Variants in ACOT1 observed in about 807,000 individuals in gnomAD.
The protein encoded by ACOT1 is acyl-CoA thioesterase 1.
ACOT1 carries 8 observed loss-of-function variants against 15.7 expected under a neutral mutation model. The observed-to-expected ratio is 0.51, with a 90% CI of 0.30 to 0.92. The LOEUF is 0.92. ACOT1 is among the 40% of genes least tolerant of loss of function. The pLI, the probability that ACOT1 is intolerant of heterozygous loss-of-function variation, is 0.06. For synonymous variants in ACOT1, 67 were observed against 241.2 expected (o/e 0.28, Z 6.69); for missense variants, 151 against 539.4 (o/e 0.28, Z 7.13).
chr14:73,503,675 A>G, the ACOT1 span, among the ~76,000 whole-genome samples: 1 of 152,188 alleles, frequency 6.6e-6, no homozygotes, highest in South Asian at 2.1e-4. Context: ...TCCTTAGTGA[A>G]GTCTTCTTTG....
chr14:73,520,945 G>T, the ACOT1 span: 1 of 1,613,988 alleles, frequency 6.2e-7, no homozygotes. Context: ...TGGGTTTGGG[G>T]CTGGGAGAGG....
chr14:73,506,802 C>CTTTTTTTTTTTTTTTTTTTTTTT, the ACOT1 span, among the ~76,000 whole-genome samples: 4 of 58,032 alleles, frequency 6.9e-5, no homozygotes, highest in East Asian at 9.2e-4. Flanking sequence ...CTGACTTTAA[C>CTTTTTTTTTTTTTTTTTTTTTTT]TGTTTTTTTT....
chr14:73,525,976 C>A, the ACOT1 span, among the ~76,000 whole-genome samples: 1 of 150,030 alleles, frequency 6.7e-6, no homozygotes, highest in African/African-American at 2.4e-5. Context: ...AAAGCATCTT[C>A]ATAAGAAACA....
At chr14:73,527,924 G>A in the ACOT1 span, among the ~76,000 whole-genome samples, 912 of 131,666 alleles carry the variant, frequency 6.9e-3, 8 homozygotes, top group Non-Finnish European at 0.01. Flanking sequence ...GGTTGCCACC[G>A]TACTCCAGCC....
the ACOT1 span, chr14:73,499,131 A>T: frequency 1.2e-6 from 2 of 1,614,174 alleles, no homozygotes; most frequent in African/African-American, 1.3e-5. Context: ...TTCAGGAGGC[A>T]TTCAAGCACC....
chr14:73,495,398 AC>A, the ACOT1 span: 1 of 1,607,104 alleles, frequency 6.2e-7, no homozygotes, highest in Non-Finnish European at 8.5e-7. Context: ...CTAAATTAGA[AC>A]AAATAATGTT....
At chr14:73,491,627 C>T in the ACOT1 span, 1 of 1,549,390 alleles carries the variant, frequency 6.5e-7, no homozygotes. Flanking sequence ...GCGAGCGGCC[C>T]GCCTCTTTGA....
At chr14:73,503,107 A>C in the ACOT1 span, 1 of 970,406 alleles carries the variant, frequency 1.0e-6, no homozygotes, top group Non-Finnish European at 1.6e-6. Context: ...TTTACTCATC[A>C]CTGTACTAAT....
chr14:73,532,200 C>T (rs529931967), upstream of ACOT1, among the ~76,000 whole-genome samples: 10 of 114,940 alleles, frequency 8.7e-5, 2 homozygotes, highest in Admixed American at 4.0e-4. Context: ...TAGAAGCTGT[C>T]CGTTGACTTT....
chr14:73,501,569 C>CTTTTTT, the ACOT1 span, among the ~76,000 whole-genome samples: 8 of 108,150 alleles, frequency 7.4e-5, no homozygotes, highest in African/African-American at 1.1e-4. Flanking sequence ...GTCTCTCTCT[C>CTTTTTT]TTTTTTTTTT....
At chr14:73,523,716 C>T in the ACOT1 span, among the ~76,000 whole-genome samples, 3 of 152,126 alleles carry the variant, frequency 2.0e-5, no homozygotes, top group Non-Finnish European at 4.4e-5. Flanking sequence ...CATGAAATGG[C>T]CTTTCGTACT....
At chr14:73,518,080 T>C in the ACOT1 span, among the ~76,000 whole-genome samples, 1 of 151,292 alleles carries the variant, frequency 6.6e-6, no homozygotes, top group African/African-American at 2.4e-5. Flanking sequence ...AGCGAGACTT[T>C]ATCTCAAAAA....
At chr14:73,508,370 C>T in the ACOT1 span, 4 of 1,322,190 alleles carry the variant, frequency 3.0e-6, no homozygotes, top group Non-Finnish European at 4.3e-6. Flanking sequence ...GGATTGATAC[C>T]CAAGGCTGCT....
chr14:73,509,734 GAAT>G, the ACOT1 span, among the ~76,000 whole-genome samples: 1 of 143,994 alleles, frequency 6.9e-6, no homozygotes, highest in South Asian at 2.2e-4. Context: ...AGCCGAAGAA[GAAT>G]GTTTCCAGCT....
the ACOT1 span, chr14:73,514,086 C>T: frequency 6.2e-7 from 1 of 1,614,174 alleles, no homozygotes; most frequent in Non-Finnish European, 8.5e-7. Flanking sequence ...CCACCAGTTC[C>T]CAGGTCACAT....
chr14:73,491,315 C>T, the ACOT1 span: 3 of 1,514,342 alleles, frequency 2.0e-6, no homozygotes, highest in Non-Finnish European at 2.6e-6. Flanking sequence ...ATACGGCCAC[C>T]TGGGGCCCGC....
At chr14:73,494,257 G>T in the ACOT1 span, among the ~76,000 whole-genome samples, 6 of 152,324 alleles carry the variant, frequency 3.9e-5, no homozygotes, top group South Asian at 1.2e-3. Flanking sequence ...GAAGACCTGG[G>T]TTTGGGGTGG....
At chr14:73,522,544 C>T in the ACOT1 span, 1 of 1,614,044 alleles carries the variant, frequency 6.2e-7, no homozygotes, top group African/African-American at 1.3e-5. Context: ...GCACAGTGGC[C>T]TCCCACGCTC....
chr14:73,528,539 T>C, the ACOT1 span, among the ~76,000 whole-genome samples: 12 of 152,160 alleles, frequency 7.9e-5, no homozygotes, highest in African/African-American at 2.9e-4. Flanking sequence ...AAGAGGCTTG[T>C]TCTGGCTTGT....
Sources: allele counts gnomAD v4.1 joint callset (sites outside exome capture counted in the v4.1 genomes callset), GRCh38; gene constraint gnomAD v4.1.1; transcripts MANE v1.5; gene names NCBI Gene and HGNC (gene_info 2026-07-23, HGNC 2026-07-21).